Variants in SGCD observed in about 807,000 individuals in gnomAD.
SGCD encodes delta-sarcoglycan.
In SGCD, 18 loss-of-function variants were observed where a neutral mutation model predicts 36.6. That is an observed-to-expected ratio of 0.49 (90% CI 0.34 to 0.73). The LOEUF is 0.73. Among genes scored for constraint, SGCD ranks in the 30% least tolerant of loss-of-function variants. The probability of loss-of-function intolerance (pLI) is 0.01; values close to 1 mark genes in which losing one functional copy is unlikely to be tolerated. For missense variants in SGCD, 387 were observed against 346.7 expected (o/e 1.12, Z -0.92); for synonymous variants, 133 against 130.6 (o/e 1.02, Z -0.12).
At chr5:156,539,414 C>T (rs2113140891) in intron 4 of SGCD, among the ~76,000 whole-genome samples, 1 of 151,658 alleles carries the variant, frequency 6.6e-6, no homozygotes, top group Non-Finnish European at 1.5e-5. Flanking sequence ...CACCCCCTTC[C>T]ATCCTTTCCC....
chr5:156,258,296 G>A (rs1031871115), intron 3 of SGCD, among the ~76,000 whole-genome samples: 1 of 152,104 alleles, frequency 6.6e-6, no homozygotes, highest in African/African-American at 2.4e-5. Context: ...AATGAAATGA[G>A]CCAATATTTG....
the SGCD span, among the ~76,000 whole-genome samples, chr5:155,819,570 G>C: frequency 6.6e-6 from 1 of 152,122 alleles, no homozygotes; most frequent in African/African-American, 2.4e-5. Flanking sequence ...TGGTACTACT[G>C]TATTATAATC....
At position 156,631,075 on chromosome 5, in the gene SGCD, A is replaced by G. The variant is rs1762613646; in HGVS notation, c.503-16389A>G. 2.6e-5 allele frequency among the ~76,000 whole-genome samples: 4 copies of G among 152,276 alleles called. No individual in the cohort carries two copies. The South Asian group carries it at 8.3e-4, about 32-fold the overall frequency. On this transcript the variant is annotated intron_variant, in intron 6 of 8. Transcript: ENST00000337851. ...TGAGTCTTAATAGGTCCTCCCAGAA[A>G]CTGAGGTATAGATCACTATGTAAAA...
intron 1 of SGCD, among the ~76,000 whole-genome samples, chr5:156,114,738 A>G (rs1761869395): frequency 6.6e-6 from 1 of 152,184 alleles, no homozygotes; most frequent in Admixed American, 6.5e-5. Context: ...TTCCTTCAGT[A>G]AATTACAAGC....
At chr5:155,869,923 C>T (rs988488101), upstream of SGCD, among the ~76,000 whole-genome samples, 1 of 152,100 alleles carries the variant, frequency 6.6e-6, no homozygotes, top group Admixed American at 6.6e-5. Context: ...CGCTTGAACC[C>T]GGGAGGCAGA....
rs1291653739 is a variant in SGCD at position 156,766,875 on chromosome 5, T to C, written c.*7485T>C. The C allele has an allele frequency of 6.6e-6, 1 of 152,134 alleles. No individual in the cohort carries two copies. Among genetic ancestry groups the C allele is most frequent in the East Asian group, 1.9e-4 (1 of 5,184 alleles). The allele number at this position is 152,134 out of a possible 1,614,324, so 9.4% of individuals were successfully genotyped here. ...AAAGAGGTTGGGGTCCATCCCTCTCTGATGTGCTTTTTCCACAACACATAT... is the reference window on the plus strand; with the variant it reads ...AAAGAGGTTGGGGTCCATCCCTCTCCGATGTGCTTTTTCCACAACACATAT... On this transcript the variant is annotated 3_prime_UTR_variant, in exon 9 of 9. Coordinates refer to ENST00000337851, the MANE Select transcript of SGCD (RefSeq NM_000337.6).
chr5:156,030,639 T>C (rs1759326427), intron 1 of SGCD, among the ~76,000 whole-genome samples: 1 of 151,990 alleles, frequency 6.6e-6, no homozygotes, highest in Non-Finnish European at 1.5e-5. Context: ...ACCAAGGAAA[T>C]GAATGGGGGA....
chr5:156,420,328 G>A (rs1240935403), intron 3 of SGCD, among the ~76,000 whole-genome samples: 6 of 152,196 alleles, frequency 3.9e-5, no homozygotes, highest in African/African-American at 1.4e-4. Flanking sequence ...ATAAATGCAA[G>A]AGCAGCTCTT....
the SGCD span, among the ~76,000 whole-genome samples, chr5:155,762,310 C>T: frequency 2.6e-5 from 4 of 152,144 alleles, no homozygotes; most frequent in Non-Finnish European, 5.9e-5. Context: ...AAAAAGACAG[C>T]TGAATGAAAT....
chr5:156,180,285 C>G (rs567493506), intron 3 of SGCD, among the ~76,000 whole-genome samples: 2 of 152,208 alleles, frequency 1.3e-5, no homozygotes, highest in African/African-American at 4.8e-5. Context: ...CTATTAAAAG[C>G]TTTTACTCTA....
At chr5:156,506,790 A>G (rs1364392739) in intron 3 of SGCD, among the ~76,000 whole-genome samples, 1 of 152,228 alleles carries the variant, frequency 6.6e-6, no homozygotes, top group African/African-American at 2.4e-5. Context: ...TCAGTATTTT[A>G]AAGATCAACA....
intron 1 of SGCD, among the ~76,000 whole-genome samples, chr5:155,923,081 G>T (rs1756921423): frequency 6.6e-6 from 1 of 152,178 alleles, no homozygotes; most frequent in African/African-American, 2.4e-5. Flanking sequence ...TGATATGATA[G>T]AACTGTGGCT....
chr5:156,115,508 T>C (rs1009808231), intron 1 of SGCD, among the ~76,000 whole-genome samples: 2 of 152,050 alleles, frequency 1.3e-5, no homozygotes, highest in Non-Finnish European at 2.9e-5. Flanking sequence ...TAGTTCAGTG[T>C]TCATCCCTAC....
At chr5:156,722,140 C>A (rs1157986446) in intron 7 of SGCD, among the ~76,000 whole-genome samples, 3 of 152,220 alleles carry the variant, frequency 2.0e-5, no homozygotes, top group Non-Finnish European at 4.4e-5. Flanking sequence ...CGCCATTCTG[C>A]TGACTAACTC....
At chr5:156,752,321 G>GA (rs1432956282) in intron 7 of SGCD, among the ~76,000 whole-genome samples, 3 of 152,180 alleles carry the variant, frequency 2.0e-5, no homozygotes, top group African/African-American at 7.2e-5. Context: ...GGATCAGGAA[G>GA]AGGAGCTCAG....
chr5:156,428,177 G>T (rs551439515), intron 3 of SGCD, among the ~76,000 whole-genome samples: 27 of 152,000 alleles, frequency 1.8e-4, no homozygotes, highest in African/African-American at 6.5e-4. Flanking sequence ...GACTTTTTTT[G>T]TTGGTAGGTA....
At chr5:156,474,580 C>T (rs1406928619) in intron 3 of SGCD, among the ~76,000 whole-genome samples, 1 of 152,214 alleles carries the variant, frequency 6.6e-6, no homozygotes, top group Non-Finnish European at 1.5e-5. Context: ...GGAGATGCTC[C>T]AGCTGGTCAC....
In SGCD at chr5:156,120,983, C is replaced by T. The variant is rs550380711; in HGVS notation, c.-207-2873C>T. Among the ~76,000 whole-genome samples the T allele has an allele frequency of 6.6e-5, 10 of 152,178 alleles. No individual in the cohort carries two copies. The South Asian group carries it at 2.1e-3, about 32-fold the overall frequency. ...AAATTGCCGGGTACGAGAAAGCAGA[C>T]AATAAATGAATCAGAAAACATGACT... On this transcript the variant is annotated intron_variant, in intron 2 of 9. Transcript: ENST00000517913.
rs560271567 is a variant in SGCD at position 156,159,478 on chromosome 5, A to C, written c.-44+35459A>C. The stretch of plus-strand genomic sequence containing the variant: ...TATCTTTCTCTGAACCACTCATAAA[A>C]AAAACAAAACAAAACAAATAAACAA... On this transcript the variant is annotated intron_variant, in intron 3 of 9. Coordinates refer to the SGCD transcript ENST00000517913. 5.5e-4 allele frequency among the ~76,000 whole-genome samples: 84 copies of C among 151,720 alleles called. 3 individuals are homozygous for C. Among genetic ancestry groups the C allele is most frequent in the Admixed American group, 2.1e-3 (32 of 15,266 alleles).
Sources: allele counts gnomAD v4.1 joint callset (sites outside exome capture counted in the v4.1 genomes callset), GRCh38; gene constraint gnomAD v4.1.1; transcripts MANE v1.5; gene names NCBI Gene and HGNC (gene_info 2026-07-23, HGNC 2026-07-21).